The following AUTS2 variants were observed in gnomAD, a reference collection of about 807,000 sequenced individuals.
The protein encoded by AUTS2 is activator of transcription and developmental regulator AUTS2, also known as autism susceptibility gene 2 protein.
In AUTS2, 17 loss-of-function variants were observed where a neutral mutation model predicts 112.4. The ratio of observed to expected loss-of-function variants is 0.15; its 90% CI spans 0.10 to 0.23. AUTS2 has a LOEUF of 0.23. Among genes scored for constraint, AUTS2 ranks in the 10% least tolerant of loss-of-function variants. AUTS2 has a pLI of 1.00. For missense variants in AUTS2, 1,510 were observed against 1,701.6 expected (o/e 0.89, Z 1.98); for synonymous variants, 751 against 702.7 (o/e 1.07, Z -1.09).
chr7:70,790,128 A>C lies in AUTS2; in HGVS notation c.2912A>C (p.Tyr971Ser). Residue 971 changes from tyrosine (Y) to serine (S), a missense_variant, in exon 19 of 19, where the codon TAC becomes TCC. Around this residue, in one of 3 missense-constraint regions of AUTS2, gnomAD observed 788 missense variants for 797.6 expected, o/e 0.99. Transcript: ENST00000342771. The surrounding 1 kb of genome is among the most constrained non-coding windows in gnomAD (Gnocchi z 7.6). ...GAGCCGCGCAAGGGTGAGCCGGCCT[A>C]CGAGAACCCCAAGAAGAGCTCCGAG... ...EAEPRKGEPA[Y>S]ENPKKSSEVK... 1 of 1,605,482 alleles carries C rather than the reference A, an allele frequency of 6.2e-7. No individual in the cohort carries two copies. The highest frequency in any genetic ancestry group is 8.5e-7 in the Non-Finnish European group (1 of 1,176,966).
intron 4 of AUTS2, among the ~76,000 whole-genome samples, chr7:70,432,615 A>G (rs1216446744): frequency 6.6e-6 from 1 of 152,092 alleles, no homozygotes; most frequent in Admixed American, 6.5e-5. Flanking sequence ...AGTGGAATAG[A>G]CCTCTTGTAT....
In AUTS2 at chr7:70,204,903, A is replaced by G. The variant is rs76897249; in HGVS notation, c.660+70332A>G. Among the ~76,000 whole-genome samples the G allele has an allele frequency of 9.5e-3, 1,452 of 152,304 alleles. 61 individuals carry two copies. In the East Asian group the frequency reaches 0.13, roughly 13 times the overall value. ...TATTTTAAGTATTCTAAACTTACAG[A>G]GAGCAAGACTAATACTTTAAAATTT... is the stretch of plus-strand genomic sequence containing the variant. On this transcript the variant is annotated intron_variant, in intron 4 of 18. Coordinates refer to ENST00000342771, the MANE Select transcript of AUTS2 (RefSeq NM_015570.4).
intron 10 of AUTS2, among the ~76,000 whole-genome samples, chr7:70,770,078 A>G (rs1325597596): frequency 6.6e-6 from 1 of 152,130 alleles, no homozygotes; most frequent in African/African-American, 2.4e-5. Flanking sequence ...ACTGTGGGAG[A>G]GTTATTTCAT....
chr7:70,439,327 C>G (rs1454679605), intron 5 of AUTS2, among the ~76,000 whole-genome samples: 2 of 152,064 alleles, frequency 1.3e-5, no homozygotes, highest in South Asian at 2.1e-4. Context: ...ATGACAAGAT[C>G]AGGAGTTGGA....
intron 5 of AUTS2, among the ~76,000 whole-genome samples, chr7:70,517,043 G>A (rs1799443909): frequency 6.6e-6 from 1 of 152,152 alleles, no homozygotes; most frequent in Admixed American, 6.5e-5. Context: ...GACCACACTG[G>A]TAGTAAGAAG....
chr7:70,728,636 A>T (rs1371056832), intron 6 of AUTS2, among the ~76,000 whole-genome samples: 2 of 143,164 alleles, frequency 1.4e-5, no homozygotes, highest in Non-Finnish European at 3.0e-5. Context: ...TGAACCTGGG[A>T]GGCGGAGGTT....
intron 1 of AUTS2, among the ~76,000 whole-genome samples, chr7:69,837,754 A>G (rs1304075450): frequency 6.6e-6 from 1 of 152,214 alleles, no homozygotes. Flanking sequence ...CTCTGGTATC[A>G]TCGATTATGC....
At chr7:70,206,133 T>C (rs1810562854) in intron 4 of AUTS2, among the ~76,000 whole-genome samples, 1 of 152,220 alleles carries the variant, frequency 6.6e-6, no homozygotes, top group Non-Finnish European at 1.5e-5. Flanking sequence ...CCCTCCTCTA[T>C]CCTGTGTTAT....
intron 4 of AUTS2, among the ~76,000 whole-genome samples, chr7:70,414,666 G>C (rs1484350268): frequency 6.6e-6 from 1 of 152,124 alleles, no homozygotes; most frequent in East Asian, 1.9e-4. Flanking sequence ...TATGGCATTG[G>C]AAAGGGGGTG....
intron 4 of AUTS2, among the ~76,000 whole-genome samples, chr7:70,325,435 G>A (rs534437389): frequency 5.3e-5 from 8 of 152,268 alleles, no homozygotes; most frequent in East Asian, 1.9e-4. Context: ...GAATTCGTAC[G>A]AAGAGTGATG....
At chr7:70,767,375 A>C (rs1359041139) in intron 9 of AUTS2, among the ~76,000 whole-genome samples, 1 of 152,206 alleles carries the variant, frequency 6.6e-6, no homozygotes, top group African/African-American at 2.4e-5. Context: ...CAAATCCTGT[A>C]TCTCTTTTTT....
At chr7:69,634,702 C>T (rs955332900) in intron 1 of AUTS2, among the ~76,000 whole-genome samples, 4 of 152,054 alleles carry the variant, frequency 2.6e-5, no homozygotes, top group African/African-American at 7.2e-5. Context: ...TTAAGTATTT[C>T]GGGAAGAGGG....
intron 4 of AUTS2, among the ~76,000 whole-genome samples, chr7:70,305,369 TAAAATAA>T (rs754844713): frequency 4.6e-5 from 7 of 152,158 alleles, no homozygotes; most frequent in Non-Finnish European, 8.8e-5. Flanking sequence ...TTTTCCTTTT[TAAAATAA>T]AAAATAAAAA....
intron 4 of AUTS2, among the ~76,000 whole-genome samples, chr7:70,180,674 C>G (rs1463735397): frequency 6.6e-6 from 1 of 152,136 alleles, no homozygotes; most frequent in Non-Finnish European, 1.5e-5. Context: ...CCCAGTTTGG[C>G]TCAGGTACAT....
At chr7:70,508,863 AC>A (rs1373975140) in intron 5 of AUTS2, among the ~76,000 whole-genome samples, 3 of 152,236 alleles carry the variant, frequency 2.0e-5, no homozygotes, top group Non-Finnish European at 4.4e-5. Flanking sequence ...GCATTGTAAC[AC>A]TTCTGCTATT....
At chr7:70,132,865 C>T (rs1806351485) in intron 3 of AUTS2, among the ~76,000 whole-genome samples, 1 of 152,168 alleles carries the variant, frequency 6.6e-6, no homozygotes, top group Non-Finnish European at 1.5e-5. Flanking sequence ...CCCATGGTCT[C>T]TCTGAGTAAT....
intron 5 of AUTS2, among the ~76,000 whole-genome samples, chr7:70,550,637 A>T (rs1800980286): frequency 6.6e-6 from 1 of 152,194 alleles, no homozygotes; most frequent in African/African-American, 2.4e-5. Flanking sequence ...GAATTTACAG[A>T]TAAACTAGGG....
chr7:70,455,092 T>A lies in AUTS2; in HGVS notation c.690+19311T>A, dbSNP rs150240094. Among the ~76,000 whole-genome samples, 105 of 152,304 alleles carry A rather than the reference T, an allele frequency of 6.9e-4. 1 individual carries two copies. In the East Asian group the frequency reaches 0.019, roughly 27 times the overall value. On this transcript the variant is annotated intron_variant, in intron 5 of 18. Transcript: ENST00000342771. ...CCCATGTGTTGTTGTTGTTTGTTTG[T>A]TTATGTTCGTTTGCCAGTTCTGACT...
chr7:70,534,726 T>A lies in AUTS2; in HGVS notation c.690+98945T>A, dbSNP rs528464435. ...CAGGCGTGAGCCACTGTGCCCAGCC[T>A]TTTTTTGTTTTTTAAATAGGCACTA... On this transcript the variant is annotated intron_variant, in intron 5 of 18. Coordinates refer to ENST00000342771, the MANE Select transcript of AUTS2 (RefSeq NM_015570.4). 5.3e-5 allele frequency among the ~76,000 whole-genome samples: 8 copies of A among 152,196 alleles called. No homozygotes were observed. In the East Asian group the frequency reaches 1.5e-3, roughly 29 times the overall value.
Sources: allele counts gnomAD v4.1 joint callset (sites outside exome capture counted in the v4.1 genomes callset), GRCh38; gene constraint gnomAD v4.1.1; regional missense constraint gnomAD v4.1.1; non-coding constraint Gnocchi (gnomAD v3.1); transcripts MANE v1.5; gene names NCBI Gene and HGNC (gene_info 2026-07-23, HGNC 2026-07-21).